CTNNA2: variants seen among roughly 807,000 people sequenced by gnomAD.
CTNNA2 encodes catenin alpha-2.
In CTNNA2, 42 loss-of-function variants were observed where a neutral mutation model predicts 101.0. That is an observed-to-expected ratio of 0.42 (90% CI 0.32 to 0.54). The LOEUF (loss-of-function observed/expected upper bound fraction) is 0.54. Ranked by LOEUF, CTNNA2 falls within the 20% of genes least tolerant of loss-of-function variation. The probability of loss-of-function intolerance (pLI) is 0.14; values close to 1 mark genes in which losing one functional copy is unlikely to be tolerated. For missense variants in CTNNA2, 871 were observed against 1,223.1 expected (o/e 0.71, Z 4.29); for synonymous variants, 450 against 456.4 (o/e 0.99, Z 0.18).
chr2:80,155,569 G>A (rs1380611848), intron 7 of CTNNA2, among the ~76,000 whole-genome samples: 1 of 151,712 alleles, frequency 6.6e-6, no homozygotes, highest in Non-Finnish European at 1.5e-5. Flanking sequence ...CTTTTTTAAT[G>A]CTGACCTGTA....
intron 4 of CTNNA2, among the ~76,000 whole-genome samples, chr2:79,469,846 C>T (rs1009446909): frequency 3.9e-5 from 6 of 152,174 alleles, no homozygotes; most frequent in Non-Finnish European, 8.8e-5. Flanking sequence ...ATGCTAAAAA[C>T]TCTCAATAAA....
At position 80,079,355 on chromosome 2, in the gene CTNNA2, C is replaced by T. The variant is rs1434928158; in HGVS notation, c.1056+169558C>T. ...TTACAAGTGAAGAAGAAAGCTCACC[C>T]AGGCAGTAGTGACCACATTGGCCTG... On this transcript the variant is annotated intron_variant, in intron 7 of 18. Transcript: ENST00000402739. Among the ~76,000 whole-genome samples the T allele has an allele frequency of 2.0e-5, 3 of 152,266 alleles. 1 individual carries two copies. Among genetic ancestry groups the T allele is most frequent in the Middle Eastern group, 6.8e-3 (2 of 294 alleles).
intron 7 of CTNNA2, among the ~76,000 whole-genome samples, chr2:79,962,632 G>T (rs1158620520): frequency 6.6e-6 from 1 of 152,178 alleles, no homozygotes; most frequent in Non-Finnish European, 1.5e-5. Flanking sequence ...AACCAACTGT[G>T]CTGGAGAGGT....
At chr2:79,965,707 C>A (rs765616259) in intron 7 of CTNNA2, among the ~76,000 whole-genome samples, 4 of 151,042 alleles carry the variant, frequency 2.6e-5, no homozygotes, top group Non-Finnish European at 5.9e-5. Flanking sequence ...GCCTGTAATC[C>A]CAGATACTTG....
chr2:80,259,220 T>C (rs576675534), intron 7 of CTNNA2, among the ~76,000 whole-genome samples: 1 of 152,162 alleles, frequency 6.6e-6, no homozygotes, highest in Non-Finnish European at 1.5e-5. Context: ...ACAGCCCATT[T>C]GGGGACATTT....
At chr2:80,252,450 A>G (rs867451303) in intron 7 of CTNNA2, among the ~76,000 whole-genome samples, 1 of 152,172 alleles carries the variant, frequency 6.6e-6, no homozygotes, top group African/African-American at 2.4e-5. Context: ...TAGAAATTCA[A>G]AGTTCTTGGC....
chr2:79,705,795 C>G lies in CTNNA2; in HGVS notation c.103-38592C>G, dbSNP rs538693776. The stretch of plus-strand genomic sequence containing the variant: ...ATGGGCTTCATTGCAATAAATATTT[C>G]TCTACTATCTAGCACACTGCCTGTA... On this transcript the variant is annotated intron_variant, in intron 2 of 18. Coordinates refer to ENST00000402739, the MANE Select transcript of CTNNA2 (RefSeq NM_001282597.3). Among the ~76,000 whole-genome samples the G allele has an allele frequency of 6.6e-5, 10 of 152,296 alleles. No individual in the cohort carries two copies. The South Asian group carries it at 1.2e-3, about 19-fold the overall frequency.
intron 4 of CTNNA2, among the ~76,000 whole-genome samples, chr2:79,431,345 A>C (rs1678657405): frequency 6.6e-6 from 1 of 152,156 alleles, no homozygotes; most frequent in Admixed American, 6.6e-5. Flanking sequence ...AAGACCCCAG[A>C]GTTAGTGACA....
chr2:80,463,244 C>T (rs1294810931), intron 9 of CTNNA2, among the ~76,000 whole-genome samples: 2 of 152,124 alleles, frequency 1.3e-5, no homozygotes, highest in Admixed American at 1.3e-4. Flanking sequence ...TTGTTTTCTT[C>T]ACTTCTTTAT....
chr2:80,337,596 T>C (rs548258135), intron 7 of CTNNA2, among the ~76,000 whole-genome samples: 7 of 151,508 alleles, frequency 4.6e-5, no homozygotes, highest in Non-Finnish European at 1.0e-4. Context: ...TGCTGCAGGG[T>C]GTGTGAGTGC....
chr2:80,203,464 C>G (rs965627471), intron 7 of CTNNA2, among the ~76,000 whole-genome samples: 3 of 152,196 alleles, frequency 2.0e-5, no homozygotes, highest in African/African-American at 4.8e-5. Context: ...GGCCACAGGC[C>G]CCATGCAAGT....
At chr2:80,627,249 G>A (rs755621088) in intron 18 of CTNNA2, among the ~76,000 whole-genome samples, 23 of 152,126 alleles carry the variant, frequency 1.5e-4, no homozygotes, top group Non-Finnish European at 2.9e-4. Context: ...GGATGGCTAG[G>A]TCAAATGGTA....
At chr2:79,988,740 C>T (rs1691948918) in intron 7 of CTNNA2, among the ~76,000 whole-genome samples, 1 of 152,130 alleles carries the variant, frequency 6.6e-6, no homozygotes, top group Non-Finnish European at 1.5e-5. Context: ...AATTGGCCTG[C>T]TTATCTCTGC....
chr2:79,772,624 G>A (rs1300137731), intron 3 of CTNNA2, among the ~76,000 whole-genome samples: 1 of 152,108 alleles, frequency 6.6e-6, no homozygotes, highest in Non-Finnish European at 1.5e-5. Flanking sequence ...CCGGGCTGGA[G>A]TGTGGTGACA....
intron 9 of CTNNA2, among the ~76,000 whole-genome samples, chr2:80,462,631 C>CTTTTTTTTTTTTTTTTTTTTT (rs753815778): frequency 1.1e-4 from 10 of 94,768 alleles, no homozygotes; most frequent in South Asian, 8.3e-4. Context: ...TTCTTTCTTT[C>CTTTTTTTTTTTTTTTTTTTTT]TTTTTTTTTT....
intron 6 of CTNNA2, among the ~76,000 whole-genome samples, chr2:79,882,855 G>A (rs545780522): frequency 5.3e-5 from 8 of 152,308 alleles, no homozygotes; most frequent in Admixed American, 1.3e-4. Flanking sequence ...GGCGTCTTCC[G>A]ATCCGTGGGT....
intron 2 of CTNNA2, among the ~76,000 whole-genome samples, chr2:79,246,287 G>A (rs2104264331): frequency 6.6e-6 from 1 of 152,224 alleles, no homozygotes; most frequent in Non-Finnish European, 1.5e-5. Flanking sequence ...CACTAGGAAG[G>A]TCCAGACCAG....
At chr2:80,059,982 A>G (rs1369871380) in intron 7 of CTNNA2, among the ~76,000 whole-genome samples, 10 of 152,160 alleles carry the variant, frequency 6.6e-5, no homozygotes, top group Admixed American at 6.5e-4. Context: ...TGATTCATCT[A>G]TTAGGGGAAA....
chr2:79,712,478 G>T (rs1685802802), intron 2 of CTNNA2, among the ~76,000 whole-genome samples: 1 of 152,090 alleles, frequency 6.6e-6, no homozygotes, highest in Non-Finnish European at 1.5e-5. Context: ...TTTTCCTCTA[G>T]CTGTAACATC....
Sources: allele counts gnomAD v4.1 joint callset (sites outside exome capture counted in the v4.1 genomes callset), GRCh38; gene constraint gnomAD v4.1.1; transcripts MANE v1.5; gene names NCBI Gene and HGNC (gene_info 2026-07-23, HGNC 2026-07-21).